The following CDH23 variants were observed in gnomAD, a reference collection of about 807,000 sequenced individuals.
CDH23 encodes cadherin-23.
Under a neutral mutation model 317.1 loss-of-function variants are expected in CDH23, and 189 were observed. That is an observed-to-expected ratio of 0.60 (90% CI 0.53 to 0.67). The LOEUF is 0.67. Among genes scored for constraint, CDH23 ranks in the 30% least tolerant of loss-of-function variants. CDH23 has a pLI of 0.00. For synonymous variants in CDH23, 1,839 were observed against 1,876.8 expected (o/e 0.98, Z 0.52); for missense variants, 4,401 against 4,592.4 (o/e 0.96, Z 1.20).
At chr10:71,612,788 C>T (rs1860979157) in intron 9 of CDH23, among the ~76,000 whole-genome samples, 1 of 152,236 alleles carries the variant, frequency 6.6e-6, no homozygotes, top group African/African-American at 2.4e-5. Context: ...TGCACTGCCT[C>T]TGCTTCACCC....
chr10:71,473,933 G>A (rs991983420), intron 3 of CDH23, among the ~76,000 whole-genome samples: 2 of 152,352 alleles, frequency 1.3e-5, no homozygotes, highest in East Asian at 1.9e-4. Flanking sequence ...GGATGATAAT[G>A]CCTCTGCCTT....
chr10:71,644,192 G>C (rs1341325741), intron 12 of CDH23, among the ~76,000 whole-genome samples: 1 of 152,240 alleles, frequency 6.6e-6, no homozygotes, highest in East Asian at 1.9e-4. Flanking sequence ...CACATCCCCT[G>C]GGGAGCCACT....
At position 71,767,545 on chromosome 10, in the gene CDH23, C is replaced by T. The variant is rs1161102211; in HGVS notation, c.4846-10135C>T. On this transcript the variant is annotated intron_variant, in intron 38 of 69. Transcript: ENST00000224721. ...GTTCCAGCTCCCCGCCAGGCCCCAT[C>T]CCCCAGGATGGTCCACAGGCTGGGG... 2.6e-5 allele frequency among the ~76,000 whole-genome samples: 4 copies of T among 152,226 alleles called. No homozygotes were observed. The East Asian group carries it at 7.7e-4, about 29-fold the overall frequency.
chr10:71,770,877 G>A (rs1248779077), intron 38 of CDH23, among the ~76,000 whole-genome samples: 4 of 152,156 alleles, frequency 2.6e-5, no homozygotes, highest in Admixed American at 2.0e-4. Flanking sequence ...GGGTGTCCCT[G>A]GCATTGGGTA....
chr10:71,495,476 G>A (rs764696094), intron 3 of CDH23, among the ~76,000 whole-genome samples: 24 of 152,176 alleles, frequency 1.6e-4, no homozygotes, highest in Admixed American at 1.3e-3. Flanking sequence ...AGGGGTACAG[G>A]AGGTGATGGA....
In CDH23 at chr10:71,527,236, G is replaced by A. The variant is rs372372817; in HGVS notation, c.429+16024G>A. Among the ~76,000 whole-genome samples, 14 of 152,374 alleles carry A rather than the reference G, an allele frequency of 9.2e-5. No individual in the cohort carries two copies. In the East Asian group the frequency reaches 2.1e-3, roughly 23 times the overall value. On this transcript the variant is annotated intron_variant, in intron 6 of 69. Transcript: ENST00000224721. ...GCCCCTGCACAGGGCACGCACGCGT[G>A]CACACACCTCAGTTGCCACAGCCGC...
intron 14 of CDH23, among the ~76,000 whole-genome samples, chr10:71,670,828 G>A (rs1340881034): frequency 5.3e-5 from 8 of 152,150 alleles, no homozygotes; most frequent in Non-Finnish European, 1.2e-4. Flanking sequence ...GTAGTAAAAT[G>A]CACTAGTGTG....
intron 38 of CDH23, among the ~76,000 whole-genome samples, chr10:71,763,735 C>T (rs1487984387): frequency 6.6e-6 from 1 of 152,222 alleles, no homozygotes; most frequent in Non-Finnish European, 1.5e-5. Flanking sequence ...TCTGTAAGTG[C>T]CATGCGAGTA....
intron 3 of CDH23, among the ~76,000 whole-genome samples, chr10:71,508,973 C>T (rs1853800838): frequency 6.6e-6 from 1 of 152,284 alleles, no homozygotes; most frequent in South Asian, 2.1e-4. Context: ...AGTGACCCTA[C>T]CTGAAAGCTA....
intron 3 of CDH23, among the ~76,000 whole-genome samples, chr10:71,507,005 C>T (rs1194559501): frequency 6.6e-6 from 1 of 152,202 alleles, no homozygotes; most frequent in Non-Finnish European, 1.5e-5. Flanking sequence ...GAGCGTCAAG[C>T]CTGAGAGAGC....
chr10:71,584,975 A>G lies in CDH23; in HGVS notation c.832+6983A>G, dbSNP rs150721013. ...GCTAGAAGACAGAGAAAGCAAAAGA[A>G]GTAGGTTATTGAGTGCAGCTGGGGT... is the stretch of plus-strand genomic sequence containing the variant. On this transcript the variant is annotated intron_variant, in intron 9 of 69. Coordinates refer to ENST00000224721, the MANE Select transcript of CDH23 (RefSeq NM_022124.6). Among the ~76,000 whole-genome samples the G allele has an allele frequency of 2.4e-3, 363 of 152,264 alleles. 3 individuals carry two copies. Among genetic ancestry groups the G allele is most frequent in the African/African-American group, 8.3e-3 (344 of 41,554 alleles).
In CDH23 at chr10:71,579,640, A is replaced by G. The variant is rs571230140; in HGVS notation, c.832+1648A>G. On this transcript the variant is annotated intron_variant, in intron 9 of 69. Transcript: ENST00000224721. ...CACCCCAGGCAGCTCAGGTGCAGGCAGTCTTCAGACGGGGATGTGAGGAAG... is the reference window on the plus strand; with the variant it reads ...CACCCCAGGCAGCTCAGGTGCAGGCGGTCTTCAGACGGGGATGTGAGGAAG... 1.4e-4 allele frequency among the ~76,000 whole-genome samples: 21 copies of G among 152,296 alleles called. No homozygotes were observed. The South Asian group carries it at 3.7e-3, about 27-fold the overall frequency.
In CDH23 at chr10:71,797,149, C is replaced by A; in HGVS notation, c.6758C>A (p.Thr2253Asn). The A allele has an allele frequency of 3.1e-6, 5 of 1,613,700 alleles. No individual in the cohort carries two copies. Among genetic ancestry groups the A allele is most frequent in the Non-Finnish European group, 4.2e-6 (5 of 1,179,782 alleles). The change falls in exon 49 of 70, where the codon ACC (threonine) becomes AAC (asparagine). Residue 2253 changes from threonine (T) to asparagine (N), a missense_variant. Coordinates refer to ENST00000224721, the MANE Select transcript of CDH23 (RefSeq NM_022124.6). ...KSPMNRELVATYEVTLSVIDN... is the reference protein window; with the variant it reads ...KSPMNRELVANYEVTLSVIDN... ...CCCATGAATCGGGAGCTGGTTGCCA[C>A]CTATGAGGTCACTCTCTCAGTGATT...
chr10:71,654,305 G>A (rs904609526), intron 14 of CDH23, among the ~76,000 whole-genome samples: 1 of 152,162 alleles, frequency 6.6e-6, no homozygotes, highest in Non-Finnish European at 1.5e-5. Context: ...TGCAGCTTAC[G>A]TGGCTTGCCC....
intron 6 of CDH23, among the ~76,000 whole-genome samples, chr10:71,547,857 T>TGG (rs1317858417): frequency 6.6e-6 from 1 of 152,198 alleles, no homozygotes. Context: ...GTGGCTTGTT[T>TGG]GGGACCCAGA....
intron 6 of CDH23, among the ~76,000 whole-genome samples, chr10:71,561,325 C>CT (rs1857121088): frequency 6.6e-6 from 1 of 151,804 alleles, no homozygotes; most frequent in East Asian, 1.9e-4. Context: ...GCCCCCCTTT[C>CT]TTTACTGCTC....
Position 71,646,510 on chromosome 10 carries a change from A to T in CDH23, c.1342A>T (p.Ile448Phe), listed in dbSNP as rs760730664. ...PDHVGYAKVKITLINENDNRP... is the reference protein window; with the variant it reads ...PDHVGYAKVKFTLINENDNRP... ...CCATGTGGGCTATGCCAAGGTGAAGATCACTCTCATCAATGAAAATGACAA... is the reference window on the plus strand; with the variant it reads ...CCATGTGGGCTATGCCAAGGTGAAGTTCACTCTCATCAATGAAAATGACAA... The change falls in exon 14 of 70, where the codon ATC (isoleucine) becomes TTC (phenylalanine). Residue 448 changes from isoleucine to phenylalanine, a missense_variant. Ile to Phe is a conservative substitution (Grantham distance 21). Around this residue, in one of 3 missense-constraint regions of CDH23, gnomAD observed 3,068 missense variants for 3,203.3 expected, o/e 0.96. Transcript: ENST00000224721. 2 of 1,613,876 alleles carry T rather than the reference A, an allele frequency of 1.2e-6. No homozygotes were observed. The highest frequency in any genetic ancestry group is 2.2e-5 in the East Asian group (1 of 44,866).
At chr10:71,647,722 A>T (rs1183891698) in intron 14 of CDH23, 1 of 151,790 alleles carries the variant, frequency 6.6e-6, no homozygotes, top group Non-Finnish European at 1.5e-5. Context: ...GAGGGATCAC[A>T]CTCCCCCTAG....
At chr10:71,544,716 A>G (rs1318762367) in intron 6 of CDH23, among the ~76,000 whole-genome samples, 1 of 152,228 alleles carries the variant, frequency 6.6e-6, no homozygotes, top group African/African-American at 2.4e-5. Context: ...CACCAATGCC[A>G]CAGACAAGAC....
Sources: gnomAD v4.1 joint callset for allele counts (sites outside exome capture counted in the v4.1 genomes callset) on GRCh38, gnomAD v4.1.1 for gene constraint, gnomAD v4.1.1 regional missense constraint, MANE v1.5 for transcripts, NCBI Gene and HGNC (gene_info 2026-07-23, HGNC 2026-07-21) for gene names.